Variants in RALYL observed in about 807,000 individuals in gnomAD.
The protein encoded by RALYL is RALY RNA binding protein like.
Under a neutral mutation model 35.1 loss-of-function variants are expected in RALYL, and 29 were observed. That is an observed-to-expected ratio of 0.83 (90% CI 0.61 to 1.13). The LOEUF (loss-of-function observed/expected upper bound fraction) is 1.13. RALYL is among the 50% of genes most tolerant of loss of function. The pLI is 0.00. For synonymous variants in RALYL, 120 were observed against 127.6 expected, an observed-to-expected ratio of 0.94 and a Z score of 0.40; for missense variants, 359 against 360.4, an observed-to-expected ratio of 1.00 and a Z score of 0.03.
At chr8:84,707,832 T>C (rs1159119578) in intron 2 of RALYL, among the ~76,000 whole-genome samples, 2 of 152,138 alleles carry the variant, frequency 1.3e-5, no homozygotes, top group East Asian at 3.9e-4. Flanking sequence ...AAGTAGAATG[T>C]AATACAATGG....
intron 2 of RALYL, among the ~76,000 whole-genome samples, chr8:84,733,138 CT>C (rs1457059897): frequency 6.6e-6 from 1 of 152,016 alleles, no homozygotes; most frequent in Admixed American, 6.6e-5. Flanking sequence ...TCCCTTTTTC[CT>C]GTGCTGATGC....
At chr8:84,490,719 A>G (rs1031622099) in intron 1 of RALYL, among the ~76,000 whole-genome samples, 1 of 150,132 alleles carries the variant, frequency 6.7e-6, no homozygotes, top group African/African-American at 2.4e-5. Flanking sequence ...ATATATTTTT[A>G]TTATTATTAT....
intron 3 of RALYL, among the ~76,000 whole-genome samples, chr8:84,776,422 G>C (rs1338775337): frequency 1.3e-5 from 2 of 152,094 alleles, no homozygotes; most frequent in Non-Finnish European, 2.9e-5. Flanking sequence ...AAGCAATAGA[G>C]TATAACAAAT....
intron 1 of RALYL, among the ~76,000 whole-genome samples, chr8:84,474,096 A>G (rs2053113133): frequency 1.3e-5 from 2 of 152,126 alleles, no homozygotes; most frequent in Admixed American, 1.3e-4. Flanking sequence ...AGATGGGTTT[A>G]CTTGCTCTTT....
intron 1 of RALYL, among the ~76,000 whole-genome samples, chr8:84,487,892 A>T (rs1253471043): frequency 6.6e-6 from 1 of 152,062 alleles, no homozygotes; most frequent in African/African-American, 2.4e-5. Context: ...GCAGTGAATG[A>T]TTTACTATCT....
chr8:84,605,332 A>T (rs1816873942), intron 2 of RALYL, among the ~76,000 whole-genome samples: 1 of 152,106 alleles, frequency 6.6e-6, no homozygotes, highest in East Asian at 1.9e-4. Flanking sequence ...ACAAACATTA[A>T]TATGGCTTAC....
At chr8:84,614,344 A>C (rs1184338029) in intron 2 of RALYL, among the ~76,000 whole-genome samples, 2 of 151,698 alleles carry the variant, frequency 1.3e-5, no homozygotes, top group African/African-American at 4.9e-5. Context: ...TAGGAATGAA[A>C]TCACAAAGGC....
chr8:84,842,294 T>C (rs1833588951), intron 4 of RALYL, among the ~76,000 whole-genome samples: 1 of 152,072 alleles, frequency 6.6e-6, no homozygotes, highest in Non-Finnish European at 1.5e-5. Context: ...ATATCACCAG[T>C]GATCCCACAG....
chr8:84,249,879 T>TC (rs386413239), intron 1 of RALYL, among the ~76,000 whole-genome samples: 1 of 151,642 alleles, frequency 6.6e-6, no homozygotes, highest in Non-Finnish European at 1.5e-5. Context: ...TCAAAGGTTT[T>TC]TTTTTTCCTA....
At position 84,600,899 on chromosome 8, in the gene RALYL, A is replaced by G. The variant is rs758142125; in HGVS notation, c.256+71322A>G. On this transcript the variant is annotated intron_variant, in intron 2 of 8. Coordinates refer to ENST00000521268, the MANE Select transcript of RALYL (RefSeq NM_173848.7). ...TTCATGTCATATGTGTTTCTGTTCA[A>G]TGATTTCCATCATGATGCTATTGGT... Among the ~76,000 whole-genome samples, 89 of 152,098 alleles carry G rather than the reference A, an allele frequency of 5.9e-4. 2 individuals are homozygous for G. Among genetic ancestry groups the G allele is most frequent in the Non-Finnish European group, 1.3e-4 (9 of 68,018 alleles).
At chr8:84,734,827 T>G (rs2132930204) in intron 2 of RALYL, among the ~76,000 whole-genome samples, 1 of 152,146 alleles carries the variant, frequency 6.6e-6, no homozygotes, top group Admixed American at 6.6e-5. Flanking sequence ...GGAGTTATGA[T>G]AAGGTGCACC....
intron 1 of RALYL, among the ~76,000 whole-genome samples, chr8:84,363,955 TG>T (rs1464418830): frequency 6.6e-6 from 1 of 152,160 alleles, no homozygotes; most frequent in Admixed American, 6.5e-5. Context: ...TAGTAGCTTT[TG>T]TATGTTTGTT....
chr8:84,920,519 T>A (rs1261445007), intron 8 of RALYL, among the ~76,000 whole-genome samples: 1 of 152,066 alleles, frequency 6.6e-6, no homozygotes, highest in Non-Finnish European at 1.5e-5. Flanking sequence ...AGTAGGGGTA[T>A]CCTATGGTCA....
At chr8:84,192,906 T>TGGGG (rs771310412) in intron 1 of RALYL, among the ~76,000 whole-genome samples, 24 of 59,462 alleles carry the variant, frequency 4.0e-4, no homozygotes, top group African/African-American at 1.1e-3. Context: ...TGTGTGTGTG[T>TGGGG]GGGGGGGGGG....
At chr8:84,314,383 AAAG>A (rs1337320868) in intron 1 of RALYL, among the ~76,000 whole-genome samples, 1 of 152,090 alleles carries the variant, frequency 6.6e-6, no homozygotes, top group Non-Finnish European at 1.5e-5. Flanking sequence ...GAGCAAATAA[AAAG>A]AAGAGAAAAG....
At chr8:84,836,859 T>A (rs940775975) in intron 4 of RALYL, among the ~76,000 whole-genome samples, 1 of 152,224 alleles carries the variant, frequency 6.6e-6, no homozygotes, top group African/African-American at 2.4e-5. Flanking sequence ...TCTTCTGCAT[T>A]CATAATTTCT....
chr8:84,382,055 A>G (rs906067582), intron 1 of RALYL, among the ~76,000 whole-genome samples: 2 of 151,766 alleles, frequency 1.3e-5, no homozygotes, highest in Admixed American at 1.3e-4. Flanking sequence ...TCAAATTAAT[A>G]TCATAAAAAT....
intron 2 of RALYL, among the ~76,000 whole-genome samples, chr8:84,728,487 C>T (rs1428294618): frequency 6.6e-6 from 1 of 151,588 alleles, no homozygotes; most frequent in Non-Finnish European, 1.5e-5. Flanking sequence ...AATTAGATCC[C>T]ATTTGTCAAT....
chr8:84,783,434 C>G (rs1396735368), intron 3 of RALYL, among the ~76,000 whole-genome samples: 4 of 152,296 alleles, frequency 2.6e-5, no homozygotes, highest in Non-Finnish European at 5.9e-5. Flanking sequence ...CTATTACATA[C>G]ATATTTTCAA....
Sources: gnomAD v4.1 joint callset for allele counts (sites outside exome capture counted in the v4.1 genomes callset) on GRCh38, gnomAD v4.1.1 for gene constraint, MANE v1.5 for transcripts, NCBI Gene and HGNC (gene_info 2026-07-23, HGNC 2026-07-21) for gene names.